IL12B: variants seen among roughly 807,000 people sequenced by gnomAD.
IL12B encodes the protein interleukin-12 subunit beta.
A neutral mutation model predicts 39.2 loss-of-function variants in IL12B; 27 were observed. The ratio of observed to expected loss-of-function variants is 0.69; its 90% confidence interval spans 0.51 to 0.95. The LOEUF (loss-of-function observed/expected upper bound fraction) is 0.95, where lower values mean the gene tolerates loss of function less well. IL12B is among the 40% of genes least tolerant of loss of function. IL12B has a pLI of 0.00. For missense variants in IL12B, 351 were observed against 397.6 expected, an observed-to-expected ratio of 0.88 and a Z score of 1.00; for synonymous variants, 142 against 152.1, an observed-to-expected ratio of 0.93 and a Z score of 0.49.
intron 1 of IL12B, among the ~76,000 whole-genome samples, chr5:159,328,771 T>G (rs1241309990): frequency 6.6e-6 from 1 of 152,196 alleles, no homozygotes; most frequent in Non-Finnish European, 1.5e-5. Context: ...ATGCCTCAGA[T>G]GCATTTGACA....
rs772571198 is a variant in IL12B, at chr5:159,320,505, T to G, written c.498A>C (p.Gln166His). The G allele has an allele frequency of 1.2e-6, 2 of 1,613,912 alleles. No individual in the cohort carries two copies. Among genetic ancestry groups the G allele is most frequent in the Non-Finnish European group, 1.7e-6 (2 of 1,179,814 alleles). Residue 166 changes from glutamine to histidine, a missense_variant, in exon 5 of 8, where the codon CAA (glutamine) becomes CAC (histidine). Coordinates refer to ENST00000231228, the MANE Select transcript of IL12B (RefSeq NM_002187.3). ...GTGTAGCAGCTCCGCACGTCACCCC[T>G]TGGGGGTCAGAAGAGCTGAAGTCAA... is the stretch of plus-strand genomic sequence containing the variant. ...VKSSRGSSDP[Q>H]GVTCGAATLS...
rs560871653 is a variant in IL12B, at chr5:159,318,365, G to A, written c.855+371C>T. ...TCAGTCAAAGAAGGATCACATATAT[G>A]ACCAGTGGTCCTATATTGTTATAAT... On this transcript the variant is annotated intron_variant, in intron 6 of 7. Transcript: ENST00000231228. Among the ~76,000 whole-genome samples, 227 of 152,300 alleles carry A rather than the reference G, an allele frequency of 1.5e-3. 2 individuals carry two copies. In the South Asian group the frequency reaches 0.018, roughly 12 times the overall value.
At chr5:159,327,948 T>G (rs934538869) in intron 1 of IL12B, among the ~76,000 whole-genome samples, 1 of 152,124 alleles carries the variant, frequency 6.6e-6, no homozygotes, top group African/African-American at 2.4e-5. Flanking sequence ...CTGAAACAAC[T>G]CCATTCACCT....
At chr5:159,329,209 A>G (rs948991014) in intron 1 of IL12B, among the ~76,000 whole-genome samples, 1 of 152,100 alleles carries the variant, frequency 6.6e-6, no homozygotes, top group Admixed American at 6.5e-5. Flanking sequence ...TTAATTAGAA[A>G]AGGGAGTTAT....
At position 159,315,381 on chromosome 5, in the gene IL12B, A is replaced by G. The variant is rs1753971455; in HGVS notation, c.*720T>C. 1 of 152,004 alleles carries G rather than the reference A, an allele frequency of 6.6e-6. No individual in the cohort carries two copies. Among genetic ancestry groups the G allele is most frequent in the Non-Finnish European group, 1.5e-5 (1 of 68,006 alleles). The allele number at this position is 152,004 out of a possible 1,614,324, so 9.4% of individuals were successfully genotyped here. A position where few individuals can be genotyped will look rare whatever the true frequency, so the allele number is the denominator to read the frequency against. ...CTAATTTTAAATTTTTTTTGTAGAG[A>G]CGGGGTCTTGTTATGTTTCCCAGGC... On this transcript the variant is annotated 3_prime_UTR_variant, in exon 8 of 8. Transcript: ENST00000231228.
At chr5:159,317,873 T>G (rs1336422893) in intron 6 of IL12B, among the ~76,000 whole-genome samples, 8 of 152,238 alleles carry the variant, frequency 5.3e-5, no homozygotes, top group Admixed American at 5.2e-4. Flanking sequence ...CCAAGATCAA[T>G]GACCAACATC....
chr5:159,317,691 GTA>G (rs1321112011), intron 6 of IL12B, among the ~76,000 whole-genome samples: 2 of 152,234 alleles, frequency 1.3e-5, no homozygotes, highest in East Asian at 3.9e-4. Context: ...CTCTATAAGT[GTA>G]GACATTCTGT....
intron 1 of IL12B, among the ~76,000 whole-genome samples, chr5:159,328,554 A>G (rs1024391276): frequency 2.0e-5 from 3 of 152,200 alleles, no homozygotes; most frequent in Admixed American, 2.0e-4. Flanking sequence ...GTAAGGGAAC[A>G]ATTCGGTATC....
chr5:159,323,993 C>G (rs1354981024), intron 2 of IL12B, among the ~76,000 whole-genome samples: 1 of 151,790 alleles, frequency 6.6e-6, no homozygotes, highest in East Asian at 1.9e-4. Flanking sequence ...ACTGAGGAGT[C>G]AGCCAACTGT....
intron 2 of IL12B, chr5:159,325,403 G>T (rs1754168244): frequency 6.6e-6 from 1 of 152,186 alleles, no homozygotes. Context: ...TTCTTGAGAA[G>T]AGAGGAGTGG....
chr5:159,324,858 A>G (rs545101891), intron 2 of IL12B, among the ~76,000 whole-genome samples: 4 of 152,354 alleles, frequency 2.6e-5, no homozygotes, highest in East Asian at 1.9e-4. Context: ...CTTTACATCA[A>G]TTGGATTATA....
At chr5:159,323,753 G>A (rs183593461) in intron 2 of IL12B, among the ~76,000 whole-genome samples, 230 of 152,218 alleles carry the variant, frequency 1.5e-3, no homozygotes, top group South Asian at 7.3e-3. Flanking sequence ...TCAGGGTGTC[G>A]AGAACAACGA....
intron 2 of IL12B, among the ~76,000 whole-genome samples, chr5:159,324,838 A>G (rs969387004): frequency 1.3e-5 from 2 of 152,266 alleles, no homozygotes; most frequent in African/African-American, 2.4e-5. Context: ...TGTAGAATAT[A>G]AAGTTTTCAC....
At chr5:159,325,586 A>C (rs1355115161) in intron 2 of IL12B, 1 of 152,198 alleles carries the variant, frequency 6.6e-6, no homozygotes, top group Non-Finnish European at 1.5e-5. Flanking sequence ...AAACGTTTTC[A>C]CAAATTTAAG....
intron 5 of IL12B, among the ~76,000 whole-genome samples, chr5:159,319,810 G>A (rs1238239553): frequency 6.6e-6 from 1 of 152,142 alleles, no homozygotes; most frequent in African/African-American, 2.4e-5. Flanking sequence ...TGAATAAATA[G>A]TAAAGGAAAT....
intron 2 of IL12B, among the ~76,000 whole-genome samples, chr5:159,326,000 AAG>A (rs1754182781): frequency 6.6e-6 from 1 of 152,212 alleles, no homozygotes; most frequent in Non-Finnish European, 1.5e-5. Context: ...GGATAATAAA[AAG>A]TATCTCTTGA....
chr5:159,326,558 AT>A, intron 2 of IL12B, 136 bp downstream of exon 2: 3 of 669,610 alleles, frequency 4.5e-6, no homozygotes, highest in Non-Finnish European at 8.1e-6. Context: ...ATGGCATTGC[AT>A]TTTCCCAGAG....
intron 4 of IL12B, 116 bp from the exon 5 acceptor site, chr5:159,320,636 A>T: frequency 1.2e-6 from 1 of 858,358 alleles, no homozygotes. Flanking sequence ...AGTTTCTCCA[A>T]CTGGGCTGAT....
Position 159,320,356 on chromosome 5 carries a change from T to A in IL12B, c.647A>T (p.His216Leu). The A allele has an allele frequency of 6.2e-7, 1 of 1,614,050 alleles. No homozygotes were observed. Among genetic ancestry groups the A allele is most frequent in the East Asian group, 2.2e-5 (1 of 44,902 alleles). ...LPIEVMVDAVHKLKYENYTSS... is the reference protein window; with the variant it reads ...LPIEVMVDAVLKLKYENYTSS... ...GGTGTAGTTTTCATACTTGAGCTTG[T>A]GAACGGCATCCACCATGACCTCAAT... is the stretch of plus-strand genomic sequence containing the variant. Residue 216 changes from histidine to leucine, a missense_variant, in exon 5 of 8, where the codon CAC (histidine) becomes CTC (leucine). Physicochemically the swap from His to Leu is moderately conservative, Grantham distance 99 (BLOSUM62 -3). Coordinates refer to ENST00000231228, the MANE Select transcript of IL12B (RefSeq NM_002187.3).
Sources: gnomAD v4.1 joint callset for allele counts (sites outside exome capture counted in the v4.1 genomes callset) on GRCh38, gnomAD v4.1.1 for gene constraint, MANE v1.5 for transcripts, NCBI Gene and HGNC (gene_info 2026-07-23, HGNC 2026-07-21) for gene names.